The following IL1RAPL2 variants were observed in gnomAD, a reference collection of about 807,000 sequenced individuals.
IL1RAPL2 encodes interleukin 1 receptor accessory protein like 2.
In IL1RAPL2, 3 loss-of-function variants were observed where a neutral mutation model predicts 44.1. That is an observed-to-expected ratio of 0.07 (90% CI 0.03 to 0.18). The LOEUF is 0.18. Among genes scored for constraint, IL1RAPL2 ranks in the 10% least tolerant of loss-of-function variants. The pLI is 1.00. For synonymous variants in IL1RAPL2, 181 were observed against 178.8 expected, an observed-to-expected ratio of 1.01 and a Z score of -0.10; for missense variants, 391 against 496.4, an observed-to-expected ratio of 0.79 and a Z score of 2.02.
At chrX:104,892,796 G>C (rs1257129414) in intron 2 of IL1RAPL2, among the ~76,000 whole-genome samples, 1 of 111,427 alleles carries the variant, frequency 9.0e-6, no homozygotes, top group African/African-American at 3.3e-5. Flanking sequence ...ATCTCCTTCA[G>C]TTCTGCTCTT....
intron 2 of IL1RAPL2, among the ~76,000 whole-genome samples, chrX:105,009,319 A>C (rs1348023822): frequency 3.6e-5 from 4 of 110,548 alleles, no homozygotes; most frequent in Admixed American, 9.6e-5. Context: ...TTGCAGCACT[A>C]TTCACAATAG....
chrX:104,979,121 G>A, intron 2 of IL1RAPL2, among the ~76,000 whole-genome samples: 1 of 111,569 alleles, frequency 9.0e-6, no homozygotes, highest in South Asian at 3.8e-4. Flanking sequence ...AATTAAAGGT[G>A]CAGGAATAGG....
At chrX:105,575,797 A>G (rs1186067785) in intron 6 of IL1RAPL2, among the ~76,000 whole-genome samples, 1 of 112,515 alleles carries the variant, frequency 8.9e-6, no homozygotes. Context: ...CCAGCAGTGT[A>G]TAAGTGTTTC....
intron 7 of IL1RAPL2, among the ~76,000 whole-genome samples, chrX:105,721,740 G>A (rs1316150144): frequency 8.9e-6 from 1 of 111,996 alleles, no homozygotes; most frequent in Middle Eastern, 4.6e-3. Context: ...TTCAGGACTT[G>A]CAAAATGACA....
chrX:105,544,473 A>G (rs1048874201), intron 6 of IL1RAPL2, among the ~76,000 whole-genome samples: 10 of 110,119 alleles, frequency 9.1e-5, no homozygotes, highest in African/African-American at 3.3e-4. Flanking sequence ...ACAGTGTTCA[A>G]TAGAAGTGGC....
Position 105,406,433 on chromosome X carries a change from G to A in IL1RAPL2, c.698-77880G>A, listed in dbSNP as rs1348803948. The stretch of plus-strand genomic sequence containing the variant: ...TGTCTCATTGATCTAACACCTGGAA[G>A]TGGCAATAAAGAATTCTCAACCACC... On this transcript the variant is annotated intron_variant, in intron 5 of 10. Coordinates refer to ENST00000372582, the MANE Select transcript of IL1RAPL2 (RefSeq NM_017416.2). The A allele has an allele frequency of 2.6e-6, 3 of 1,143,674 alleles. No homozygotes were observed. In the African/African-American group the frequency reaches 5.4e-5, roughly 20 times the overall value. 94.3% of individuals were successfully genotyped at this position (1,143,674 alleles called of 1,213,427 possible).
Position 104,785,394 on chromosome X carries a change from A to T in IL1RAPL2, c.82+126399A>T, listed in dbSNP as rs779034717. ...ATAGCCATCAAGTAATATAAAAACAAGTCCTAAGGCAGGCCATTTTTGCTT... is the reference window on the plus strand; with the variant it reads ...ATAGCCATCAAGTAATATAAAAACATGTCCTAAGGCAGGCCATTTTTGCTT... On this transcript the variant is annotated intron_variant, in intron 2 of 10. Transcript: ENST00000372582. Among the ~76,000 whole-genome samples, 4 of 111,919 alleles carry T rather than the reference A, an allele frequency of 3.6e-5. No individual in the cohort carries two copies. In the Admixed American group the frequency reaches 3.8e-4, roughly 11 times the overall value.
intron 9 of IL1RAPL2, among the ~76,000 whole-genome samples, chrX:105,753,834 TA>T (rs1276025506): frequency 8.9e-6 from 1 of 111,758 alleles, no homozygotes; most frequent in Non-Finnish European, 1.9e-5. Flanking sequence ...TTAATACAAA[TA>T]ACCAGAATTT....
intron 2 of IL1RAPL2, among the ~76,000 whole-genome samples, chrX:104,939,683 G>A (rs990618347): frequency 1.8e-5 from 2 of 111,442 alleles, no homozygotes; most frequent in African/African-American, 6.5e-5. Context: ...ATCAAAAGGT[G>A]GAAACAATCC....
chrX:104,650,013 T>A (rs1436845626), intron 1 of IL1RAPL2, among the ~76,000 whole-genome samples: 1 of 112,051 alleles, frequency 8.9e-6, no homozygotes, highest in African/African-American at 3.2e-5. Context: ...CATATCAGGA[T>A]TTGATACTCC....
intron 2 of IL1RAPL2, among the ~76,000 whole-genome samples, chrX:104,729,329 A>G (rs763747652): frequency 1.8e-5 from 2 of 110,613 alleles, no homozygotes; most frequent in Non-Finnish European, 3.8e-5. Flanking sequence ...CATCGTCCCA[A>G]CTATTGGTTG....
intron 1 of IL1RAPL2, chrX:104,647,428 C>T: frequency 1.7e-6 from 1 of 605,831 alleles, no homozygotes; most frequent in Non-Finnish European, 2.8e-6. Flanking sequence ...TCTCTGCTTC[C>T]TGCTGATCCA....
chrX:105,496,474 A>T (rs2036357478), intron 6 of IL1RAPL2, among the ~76,000 whole-genome samples: 1 of 112,850 alleles, frequency 8.9e-6, no homozygotes, highest in Non-Finnish European at 1.9e-5. Flanking sequence ...AAGATAATTA[A>T]GGAAAGTGAA....
chrX:105,409,327 T>G (rs1250694561), intron 5 of IL1RAPL2, among the ~76,000 whole-genome samples: 2 of 111,409 alleles, frequency 1.8e-5, no homozygotes, highest in African/African-American at 3.3e-5. Flanking sequence ...ATGCTATAGG[T>G]TAGGTGTTCT....
intron 2 of IL1RAPL2, among the ~76,000 whole-genome samples, chrX:104,932,841 T>C (rs1399269432): frequency 8.9e-6 from 1 of 112,254 alleles, no homozygotes; most frequent in Non-Finnish European, 1.9e-5. Context: ...CCGATGTTAG[T>C]AGGGATTTAA....
At chrX:105,242,963 A>G (rs2213418) in intron 4 of IL1RAPL2, among the ~76,000 whole-genome samples, 28,082 of 109,687 alleles carry the variant, frequency 0.26, 7,703 homozygotes, top group African/African-American at 0.82. Flanking sequence ...GCTGGGCGTG[A>G]TGGTGCATGC....
intron 2 of IL1RAPL2, among the ~76,000 whole-genome samples, chrX:104,887,351 G>A (rs776359740): frequency 1.2e-4 from 13 of 112,353 alleles, no homozygotes; most frequent in Admixed American, 2.8e-4. Context: ...AGAGAGAGCA[G>A]AGATAGCTCT....
chrX:105,299,771 C>A (rs2034682195), intron 5 of IL1RAPL2, among the ~76,000 whole-genome samples: 1 of 111,870 alleles, frequency 8.9e-6, no homozygotes, highest in African/African-American at 3.3e-5. Flanking sequence ...AGGAAATGAG[C>A]AAGAGGGCAG....
chrX:104,969,509 A>G (rs1487034632), intron 2 of IL1RAPL2, among the ~76,000 whole-genome samples: 2 of 111,990 alleles, frequency 1.8e-5, no homozygotes, highest in African/African-American at 6.5e-5. Context: ...ATATTAATTC[A>G]TTTTACTATA....
Sources: gnomAD v4.1 joint callset for allele counts (sites outside exome capture counted in the v4.1 genomes callset) on GRCh38, gnomAD v4.1.1 for gene constraint, MANE v1.5 for transcripts, NCBI Gene and HGNC (gene_info 2026-07-23, HGNC 2026-07-21) for gene names.